Variants in DCUN1D4 observed in about 807,000 individuals in gnomAD.
DCUN1D4 encodes the protein defective in cullin neddylation 1 domain containing 4, also known as DCN1-like protein 4.
A neutral mutation model predicts 47.9 loss-of-function variants in DCUN1D4; 22 were observed. The observed-to-expected ratio is 0.46, with a 90% confidence interval of 0.33 to 0.66. DCUN1D4 has a LOEUF of 0.66. DCUN1D4 is among the 30% of genes least tolerant of loss of function. DCUN1D4 has a pLI of 0.02. For synonymous variants in DCUN1D4, 121 were observed against 112.2 expected (o/e 1.08, Z -0.50); for missense variants, 301 against 340.8 (o/e 0.88, Z 0.92).
chr4:51,851,367 T>A (rs1723336122), intron 1 of DCUN1D4, among the ~76,000 whole-genome samples: 1 of 152,198 alleles, frequency 6.6e-6, no homozygotes. Context: ...ATGTGAGTTT[T>A]AGCTTTTGAA....
chr4:51,855,628 T>G (rs1174293888), intron 1 of DCUN1D4, among the ~76,000 whole-genome samples: 3 of 152,204 alleles, frequency 2.0e-5, no homozygotes, highest in Non-Finnish European at 2.9e-5. Flanking sequence ...TCACGAATTG[T>G]GTGGCTAGAA....
At chr4:51,875,871 T>A (rs1323617323) in intron 4 of DCUN1D4, among the ~76,000 whole-genome samples, 1 of 152,324 alleles carries the variant, frequency 6.6e-6, no homozygotes, top group East Asian at 1.9e-4. Flanking sequence ...ATTTATATAG[T>A]GTCTCCAAGT....
chr4:51,839,164 A>AGAAGGAAGGAAGGAAGAAAGGAGAAG (rs1215800726), upstream of DCUN1D4, among the ~76,000 whole-genome samples: 1 of 145,872 alleles, frequency 6.9e-6, no homozygotes, highest in Non-Finnish European at 1.5e-5. Flanking sequence ...GGAAGGAAGG[A>AGAAGGAAGGAAGGAAGAAAGGAGAAG]GAAGGAAGGA....
At chr4:51,878,934 C>T (rs1277285000) in intron 5 of DCUN1D4, among the ~76,000 whole-genome samples, 2 of 152,122 alleles carry the variant, frequency 1.3e-5, no homozygotes, top group African/African-American at 2.4e-5. Context: ...GAGCCTTGCC[C>T]CTGTTGGCCA....
upstream of DCUN1D4, among the ~76,000 whole-genome samples, chr4:51,840,659 C>G (rs1721605740): frequency 6.6e-6 from 1 of 152,128 alleles, no homozygotes; most frequent in African/African-American, 2.4e-5. Flanking sequence ...CCAGTGCCTA[C>G]CACAATATTT....
chr4:51,835,279 T>C, the DCUN1D4 span, among the ~76,000 whole-genome samples: 13 of 152,260 alleles, frequency 8.5e-5, no homozygotes, highest in African/African-American at 3.1e-4. Flanking sequence ...AAAGTTACTT[T>C]ACCTCTCTGT....
At chr4:51,913,460 C>T (rs904411975) in intron 10 of DCUN1D4, 68 bp downstream of exon 10, 3 of 1,573,788 alleles carry the variant, frequency 1.9e-6, no homozygotes, top group African/African-American at 2.7e-5. Context: ...GGAAAAGCCT[C>T]AGCTACATTA....
At chr4:51,847,376 A>G (rs1223973496) in intron 1 of DCUN1D4, among the ~76,000 whole-genome samples, 2 of 152,226 alleles carry the variant, frequency 1.3e-5, no homozygotes, top group African/African-American at 4.8e-5. Context: ...GAGCTTTTTA[A>G]TAGTCAAAGA....
chr4:51,857,875 A>T (rs556670036), intron 1 of DCUN1D4, among the ~76,000 whole-genome samples: 1 of 152,160 alleles, frequency 6.6e-6, no homozygotes, highest in East Asian at 1.9e-4. Context: ...TCATTTGTTG[A>T]ATATTTATTG....
chr4:51,837,682 A>G, the DCUN1D4 span, among the ~76,000 whole-genome samples: 3 of 149,648 alleles, frequency 2.0e-5, no homozygotes, highest in South Asian at 2.1e-4. Flanking sequence ...AAAAAAAAAA[A>G]AAAGAAATCT....
intron 1 of DCUN1D4, chr4:51,843,777 G>A: frequency 1.2e-6 from 1 of 858,154 alleles, no homozygotes; most frequent in East Asian, 1.4e-4. Context: ...CGGGGACAAT[G>A]GGAAGAAGGG....
chr4:51,889,450 A>T (rs1406635871), intron 6 of DCUN1D4, among the ~76,000 whole-genome samples: 1 of 152,226 alleles, frequency 6.6e-6, no homozygotes, highest in Non-Finnish European at 1.5e-5. Flanking sequence ...TAACAGCAAC[A>T]TTCTTTATTT....
intron 1 of DCUN1D4, among the ~76,000 whole-genome samples, chr4:51,848,977 G>T (rs1722963946): frequency 6.6e-6 from 1 of 152,004 alleles, no homozygotes; most frequent in Non-Finnish European, 1.5e-5. Flanking sequence ...TTTTTTGCTG[G>T]CCTGTATCAG....
intron 1 of DCUN1D4, among the ~76,000 whole-genome samples, chr4:51,862,913 G>T (rs1233664569): frequency 6.6e-6 from 1 of 152,110 alleles, no homozygotes; most frequent in Non-Finnish European, 1.5e-5. Context: ...TACCATGCAG[G>T]CTCAGGCAGA....
At chr4:51,851,900 C>T (rs957200833) in intron 1 of DCUN1D4, among the ~76,000 whole-genome samples, 1 of 152,226 alleles carries the variant, frequency 6.6e-6, no homozygotes, top group Admixed American at 6.5e-5. Flanking sequence ...GAGATTCTAA[C>T]TCAAGCATTC....
In DCUN1D4 at chr4:51,914,641, C is replaced by G. The variant is rs1734147084; in HGVS notation, c.*1057C>G. 6.6e-6 allele frequency: 1 copy of G among 152,492 alleles called. No homozygotes were observed. The highest frequency in any genetic ancestry group is 2.4e-5 in the African/African-American group (1 of 41,388). The allele number at this position is 152,492 out of a possible 1,614,324, so 9.4% of individuals were successfully genotyped here. ...TGCTAGGCTTTTCCTGGCAGCATGT[C>G]CATTGCAGGCAGTGGACAAGAAACC... is the stretch of plus-strand genomic sequence containing the variant. On this transcript the variant is annotated 3_prime_UTR_variant, in exon 11 of 11. Coordinates refer to ENST00000334635, the MANE Select transcript of DCUN1D4 (RefSeq NM_001040402.3).
chr4:51,900,666 G>A (rs566640447), intron 8 of DCUN1D4, among the ~76,000 whole-genome samples: 12 of 152,164 alleles, frequency 7.9e-5, no homozygotes, highest in Middle Eastern at 3.4e-3. Context: ...ACAGGAGTTC[G>A]AGGTTAAAAA....
At chr4:51,836,422 C>A in the DCUN1D4 span, among the ~76,000 whole-genome samples, 1 of 152,140 alleles carries the variant, frequency 6.6e-6, no homozygotes, top group Non-Finnish European at 1.5e-5. Flanking sequence ...TGTTTGTGTG[C>A]GTGCCTGCAG....
At chr4:51,883,477 G>A (rs1024981096) in intron 5 of DCUN1D4, among the ~76,000 whole-genome samples, 2 of 152,146 alleles carry the variant, frequency 1.3e-5, no homozygotes, top group Non-Finnish European at 2.9e-5. Flanking sequence ...AAGAAAGCAG[G>A]CAATATATTG....
Sources: allele counts gnomAD v4.1 joint callset (sites outside exome capture counted in the v4.1 genomes callset), GRCh38; gene constraint gnomAD v4.1.1; transcripts MANE v1.5; gene names NCBI Gene and HGNC (gene_info 2026-07-23, HGNC 2026-07-21).